The following IPO13 variants were observed in gnomAD, a reference collection of about 807,000 sequenced individuals.
IPO13 encodes importin 13.
Under a neutral mutation model 115.5 loss-of-function variants are expected in IPO13, and 28 were observed. That is an observed-to-expected ratio of 0.24 (90% confidence interval 0.18 to 0.33). The LOEUF (loss-of-function observed/expected upper bound fraction) is 0.33, where lower values mean the gene tolerates loss of function less well. Ranked by LOEUF, IPO13 falls within the 10% of genes least tolerant of loss-of-function variation. IPO13 has a pLI of 1.00. For synonymous variants in IPO13, 414 were observed against 478.9 expected (o/e 0.86, Z 1.77); for missense variants, 785 against 1,204.6 (o/e 0.65, Z 5.16).
At chr1:43,953,126 T>C (rs957643618) in intron 2 of IPO13, 1 of 152,226 alleles carries the variant, frequency 6.6e-6, no homozygotes, top group African/African-American at 2.4e-5. Flanking sequence ...AAGGAGCCAG[T>C]GAGGTAACCC....
Position 43,957,411 on chromosome 1 carries a change from G to T in IPO13, c.1402G>T (p.Ala468Ser). The change falls in exon 7 of 20, where the codon GCC becomes TCC. Residue 468 changes from alanine to serine, a missense_variant. Coordinates refer to ENST00000372343, the MANE Select transcript of IPO13 (RefSeq NM_014652.4). ...EEPYSWQHTEALLYGFQSIAE... is the reference protein window; with the variant it reads ...EEPYSWQHTESLLYGFQSIAE... Reference sequence around the variant, plus strand: ...CACCCTCTTTCCCCAGCACACAGAGGCCCTCCTCTACGGCTTCCAATCCAT... The same window carrying T: ...CACCCTCTTTCCCCAGCACACAGAGTCCCTCCTCTACGGCTTCCAATCCAT... The T allele has an allele frequency of 1.5e-5, 24 of 1,614,078 alleles. No homozygotes were observed. Among genetic ancestry groups the T allele is most frequent in the Non-Finnish European group, 2.0e-5 (24 of 1,180,010 alleles).
intron 2 of IPO13, among the ~76,000 whole-genome samples, chr1:43,954,641 T>C (rs1255648827): frequency 6.6e-6 from 1 of 152,210 alleles, no homozygotes; most frequent in Non-Finnish European, 1.5e-5. Flanking sequence ...AGGGATCCAG[T>C]GGGCTGAGCC....
At position 43,948,308 on chromosome 1, in the gene IPO13, G is replaced by C. The variant is rs573498741; in HGVS notation, c.84+624G>C. On this transcript the variant is annotated intron_variant, in intron 1 of 19. Transcript: ENST00000372343. ...TAGCTCCCTGCCATGGCCCTCCCAG[G>C]CTCCCCGACTGCCCAGCCCATCTTT... Among the ~76,000 whole-genome samples the C allele has an allele frequency of 4.3e-4, 66 of 152,270 alleles. 3 individuals carry two copies. In the South Asian group the frequency reaches 7.5e-3, roughly 17 times the overall value.
chr1:43,967,247 A>C lies in IPO13; in HGVS notation c.2614-68A>C, dbSNP rs2085331782. ...CTTAGGAACTGTCCAGAGGGCAGTTAGGCATTCTTGCTGCAGAAGCGGCGG... is the reference window on the plus strand; with the variant it reads ...CTTAGGAACTGTCCAGAGGGCAGTTCGGCATTCTTGCTGCAGAAGCGGCGG... On this transcript the variant is annotated intron_variant, in intron 18 of 19. Coordinates refer to ENST00000372343, the MANE Select transcript of IPO13 (RefSeq NM_014652.4). The surrounding 1 kb of genome is among the most constrained non-coding windows in gnomAD (Gnocchi z 6.1). 6.6e-7 allele frequency: 1 copy of C among 1,524,844 alleles called. No individual in the cohort carries two copies. Among genetic ancestry groups the C allele is most frequent in the African/African-American group, 1.4e-5 (1 of 73,366 alleles). 94.5% of individuals were successfully genotyped at this position (1,524,844 alleles called of 1,614,324 possible).
Position 43,958,933 on chromosome 1 carries a change from C to T in IPO13, c.2028+44C>T, listed in dbSNP as rs755470153. 2.6e-6 allele frequency: 4 copies of T among 1,562,680 alleles called. No individual in the cohort carries two copies. Among genetic ancestry groups the T allele is most frequent in the Admixed American group, 1.7e-5 (1 of 58,912 alleles). On this transcript the variant is annotated intron_variant, in intron 11 of 19. Coordinates refer to ENST00000372343, the MANE Select transcript of IPO13 (RefSeq NM_014652.4). The surrounding 1 kb of genome is among the most constrained non-coding windows in gnomAD (Gnocchi z 6.3). ...CGGCAAAGACATTTGTCTTTGCCAT[C>T]CCCCCAACCCCCACCTGTGGGAATG... is the stretch of plus-strand genomic sequence containing the variant.
chr1:43,965,254 A>ACCC (rs1222530451), intron 15 of IPO13, among the ~76,000 whole-genome samples: 1 of 151,186 alleles, frequency 6.6e-6, no homozygotes, highest in African/African-American at 2.4e-5. Context: ...TAGCACGCAG[A>ACCC]CCCCCTAACC....
rs992751985 is a variant in IPO13 at position 43,947,529 on chromosome 1, G to C, written c.-72G>C. 1.1e-6 allele frequency: 1 copy of C among 921,474 alleles called. No homozygotes were observed. Among genetic ancestry groups the C allele is most frequent in the Non-Finnish European group, 1.4e-6 (1 of 695,278 alleles). 57.1% of individuals were successfully genotyped at this position (921,474 alleles called of 1,614,324 possible). A position where few individuals can be genotyped will look rare whatever the true frequency, so the allele number is the denominator to read the frequency against. ...TGGGCACCCAAGCCGGGGTCTAGCA[G>C]GGGGCCAGCAGCCAAGGGGCTGGGG... On this transcript the variant is annotated 5_prime_UTR_variant, in exon 1 of 20. Coordinates refer to ENST00000372343, the MANE Select transcript of IPO13 (RefSeq NM_014652.4).
chr1:43,956,651 G>A lies in IPO13; in HGVS notation c.1054G>A (p.Val352Ile), dbSNP rs1397067725. 5 of 1,614,188 alleles carry A rather than the reference G, an allele frequency of 3.1e-6. No homozygotes were observed. The highest frequency in any genetic ancestry group is 4.2e-6 in the Non-Finnish European group (5 of 1,180,032). ...FCTGIPGHYPVNETTSSLTLT... is the reference protein window; with the variant it reads ...FCTGIPGHYPINETTSSLTLT... ...CACAGGCATCCCTGGCCACTATCCT[G>A]TCAATGAGACCACCAGCTCCCTAAC... Residue 352 changes from valine to isoleucine, a missense_variant, in exon 4 of 20, where the codon GTC (valine) becomes ATC (isoleucine). Around this residue, in one of 3 missense-constraint regions of IPO13, gnomAD observed 325 missense variants for 449.8 expected, o/e 0.72. Coordinates refer to ENST00000372343, the MANE Select transcript of IPO13 (RefSeq NM_014652.4). The surrounding 1 kb of genome is among the most constrained non-coding windows in gnomAD (Gnocchi z 4.7).
At chr1:43,961,377 G>T (rs1461032282) in intron 14 of IPO13, 115 bp downstream of exon 14, 1 of 825,454 alleles carries the variant, frequency 1.2e-6, no homozygotes, top group African/African-American at 1.7e-5. Context: ...TCACACGTGG[G>T]ACTTGATGGG....
intron 2 of IPO13, among the ~76,000 whole-genome samples, chr1:43,955,809 T>A (rs1361896824): frequency 6.6e-6 from 1 of 152,122 alleles, no homozygotes; most frequent in Non-Finnish European, 1.5e-5. Flanking sequence ...CAGTCTGCCC[T>A]CTGGTGCCCC....
intron 2 of IPO13, among the ~76,000 whole-genome samples, chr1:43,950,660 G>A (rs748659886): frequency 7.2e-5 from 11 of 152,138 alleles, no homozygotes; most frequent in Non-Finnish European, 1.5e-4. Flanking sequence ...ACTCATAATG[G>A]TGCTGCACAG....
intron 12 of IPO13, 72 bp downstream of exon 12, chr1:43,960,401 C>A: frequency 7.7e-7 from 1 of 1,298,882 alleles, no homozygotes; most frequent in Non-Finnish European, 1.1e-6. Context: ...ATGTTACTGC[C>A]ACACTTCAGC....
chr1:43,958,198 ACT>A lies in IPO13; in HGVS notation c.1723-41_1723-40del, dbSNP rs780386491. 2.2e-5 allele frequency: 35 copies of A among 1,613,910 alleles called. No individual in the cohort carries two copies. The highest frequency in any genetic ancestry group is 2.8e-5 in the Non-Finnish European group (33 of 1,179,882). On this transcript the variant is annotated intron_variant, in intron 8 of 19. Coordinates refer to ENST00000372343, the MANE Select transcript of IPO13 (RefSeq NM_014652.4). This position sits in a 1 kb window ranked among gnomAD's most constrained non-coding sequence, Gnocchi z 6.3. ...TGGATGGTGCTGGGCCTCAGAGCAC[ACT>A]CTGCACTGTGCTGATACTACATTCC...
chr1:43,966,899 C>G lies in IPO13; in HGVS notation c.2524-31C>G, dbSNP rs775261562. On this transcript the variant is annotated intron_variant, in intron 17 of 19. Coordinates refer to ENST00000372343, the MANE Select transcript of IPO13 (RefSeq NM_014652.4). This position sits in a 1 kb window ranked among gnomAD's most constrained non-coding sequence, Gnocchi z 4.1. ...GTCCTCAGGGAGAGCTGGGAAGGAG[C>G]TGGGCTGATGGGCCTCTCCATCCTC... 1 of 1,609,978 alleles carries G rather than the reference C, an allele frequency of 6.2e-7. No homozygotes were observed. The highest frequency in any genetic ancestry group is 2.2e-5 in the East Asian group (1 of 44,862).
In IPO13 at chr1:43,950,865, C is replaced by T. The variant is rs373935959; in HGVS notation, c.821+712C>T. The stretch of plus-strand genomic sequence containing the variant: ...TTCTTAAGGCTAAGTTTGATCTTCT[C>T]TCTTATATTACCTCAGAGCTCCCAG... On this transcript the variant is annotated intron_variant, in intron 2 of 19. Coordinates refer to ENST00000372343, the MANE Select transcript of IPO13 (RefSeq NM_014652.4). 1.7e-4 allele frequency among the ~76,000 whole-genome samples: 26 copies of T among 152,370 alleles called. No homozygotes were observed. In the East Asian group the frequency reaches 3.5e-3, roughly 20 times the overall value.
At chr1:43,961,340 C>T (rs2085289145) in intron 14 of IPO13, 78 bp downstream of exon 14, 2 of 1,156,436 alleles carry the variant, frequency 1.7e-6, no homozygotes, top group South Asian at 1.2e-5. Flanking sequence ...CCAAAGCTGC[C>T]CACTCTGTTC....
At chr1:43,964,213 G>A in intron 14 of IPO13, 56 bp from the exon 15 acceptor site, 1 of 1,213,564 alleles carries the variant, frequency 8.2e-7, no homozygotes, top group South Asian at 1.2e-5. Flanking sequence ...AACTATATGA[G>A]GTTGAGTTGC....
rs763920180 is a variant in IPO13, at chr1:43,967,698, C to T, written c.*16C>T. The T allele has an allele frequency of 8.7e-6, 14 of 1,605,512 alleles. No homozygotes were observed. Among genetic ancestry groups the T allele is most frequent in the African/African-American group, 4.0e-5 (3 of 74,756 alleles). On this transcript the variant is annotated 3_prime_UTR_variant, in exon 20 of 20. Coordinates refer to ENST00000372343, the MANE Select transcript of IPO13 (RefSeq NM_014652.4). This position sits in a 1 kb window ranked among gnomAD's most constrained non-coding sequence, Gnocchi z 6.1. ...TGACTACTGAGGGGTGCCCCCATCCCATCCACCCCTTCTCTTCATCCTTCC... is the reference window on the plus strand; with the variant it reads ...TGACTACTGAGGGGTGCCCCCATCCTATCCACCCCTTCTCTTCATCCTTCC...
chr1:43,950,977 G>A (rs1364615925), intron 2 of IPO13, among the ~76,000 whole-genome samples: 2 of 152,176 alleles, frequency 1.3e-5, no homozygotes, highest in South Asian at 4.1e-4. Flanking sequence ...CATTGTGCTC[G>A]GCACATGGTA....
Sources: gnomAD v4.1 joint callset for allele counts (sites outside exome capture counted in the v4.1 genomes callset) on GRCh38, gnomAD v4.1.1 for gene constraint, gnomAD v4.1.1 regional missense constraint, Gnocchi (gnomAD v3.1) non-coding constraint, MANE v1.5 for transcripts, NCBI Gene and HGNC (gene_info 2026-07-23, HGNC 2026-07-21) for gene names.